Variants in SLMAP observed in about 807,000 individuals in gnomAD.
SLMAP encodes sarcolemma associated protein, also known as sarcolemmal membrane-associated protein.
SLMAP carries 44 observed loss-of-function variants against 128.8 expected under a neutral mutation model. The ratio of observed to expected loss-of-function variants is 0.34; its 90% CI spans 0.27 to 0.44. The LOEUF is 0.44. SLMAP is among the 20% of genes least tolerant of loss of function. The probability of loss-of-function intolerance (pLI) is 1.00; values close to 1 mark genes in which losing one functional copy is unlikely to be tolerated. For synonymous variants in SLMAP, 327 were observed against 348.8 expected (o/e 0.94, Z 0.70); for missense variants, 787 against 985.3 (o/e 0.80, Z 2.69).
chr3:57,857,778 C>G lies in SLMAP; in HGVS notation c.565C>G (p.Leu189Val), dbSNP rs1469309660. ...EQMLEQKLAT[L>V]QRLLAITQEA... Reference sequence around the variant, plus strand: ...AATGTTGGAACAGAAGTTAGCCACGCTTCAGCGGCTACTAGCCATCACCCA... The same window carrying G: ...AATGTTGGAACAGAAGTTAGCCACGGTTCAGCGGCTACTAGCCATCACCCA... Residue 189 changes from leucine to valine, a missense_variant, in exon 7 of 25, where the codon CTT becomes GTT. Around this residue, in one of 2 missense-constraint regions of SLMAP, gnomAD observed 715 missense variants for 843.6 expected, o/e 0.85. Transcript: ENST00000671191. 1 of 1,613,780 alleles carries G rather than the reference C, an allele frequency of 6.2e-7. No homozygotes were observed. Among genetic ancestry groups the G allele is most frequent in the African/African-American group, 1.3e-5 (1 of 74,926 alleles).
chr3:57,856,066 A>T (rs1405018097), intron 6 of SLMAP, among the ~76,000 whole-genome samples: 1 of 151,544 alleles, frequency 6.6e-6, no homozygotes, highest in Non-Finnish European at 1.5e-5. Flanking sequence ...AAAAAAAATT[A>T]ACTGGGCATG....
chr3:57,865,415 C>G (rs2095270738), intron 13 of SLMAP, 123 bp downstream of exon 13: 2 of 439,810 alleles, frequency 4.5e-6, no homozygotes, highest in Non-Finnish European at 8.0e-6. Flanking sequence ...GATCATTGAA[C>G]CCCATCATTT....
At chr3:57,869,829 T>A (rs1226042561) in intron 13 of SLMAP, among the ~76,000 whole-genome samples, 1 of 151,222 alleles carries the variant, frequency 6.6e-6, no homozygotes, top group Non-Finnish European at 1.5e-5. Flanking sequence ...GCTTAGGACA[T>A]CTCAATTAGA....
chr3:57,833,536 CAGCCTCTCGAGT>C (rs951210485), intron 3 of SLMAP, among the ~76,000 whole-genome samples: 47 of 151,968 alleles, frequency 3.1e-4, no homozygotes, highest in African/African-American at 1.1e-3. Context: ...TCTCCTGCCT[CAGCCTCTCGAGT>C]AGCTGGGACT....
At chr3:57,882,065 G>A (rs925406562) in intron 14 of SLMAP, among the ~76,000 whole-genome samples, 4 of 152,054 alleles carry the variant, frequency 2.6e-5, no homozygotes, top group Non-Finnish European at 5.9e-5. Context: ...TTATAAACCA[G>A]TACTGTTCAA....
chr3:57,908,188 T>TA (rs2096612574), intron 18 of SLMAP, among the ~76,000 whole-genome samples, 182 bp downstream of exon 18: 1 of 152,244 alleles, frequency 6.6e-6, no homozygotes, highest in Non-Finnish European at 1.5e-5. Context: ...TGAGGAGAGT[T>TA]ACAGTTGCTC....
Position 57,864,375 on chromosome 3 carries a change from C to CA in SLMAP, c.967-162dup, listed in dbSNP as rs879885658. Among the ~76,000 whole-genome samples, 583 of 136,876 alleles carry CA rather than the reference C, an allele frequency of 4.3e-3. 5 individuals carry two copies. The highest frequency in any genetic ancestry group is 0.014 in the African/African-American group (519 of 37,222). The allele number at this position is 136,876 out of a possible 152,430, so 89.8% of individuals were successfully genotyped here. On this transcript the variant is annotated intron_variant, in intron 10 of 24. Coordinates refer to ENST00000671191, the MANE Select transcript of SLMAP (RefSeq NM_001377540.1). ...AGGCAACAAGAGTGAAACTCCATCTCAAAAAAAAAAAGAAAGAAAGAAATG... is the reference window on the plus strand; with the variant it reads ...AGGCAACAAGAGTGAAACTCCATCTCAAAAAAAAAAAAGAAAGAAAGAAATG...
rs538252096 is a variant in SLMAP, at chr3:57,928,572, G to A, written c.*1283G>A. The A allele has an allele frequency of 2.6e-5, 4 of 152,294 alleles. No homozygotes were observed. The highest frequency in any genetic ancestry group is 9.6e-5 in the African/African-American group (4 of 41,560). The allele number at this position is 152,294 out of a possible 1,614,324, so 9.4% of individuals were successfully genotyped here. On this transcript the variant is annotated 3_prime_UTR_variant, in exon 25 of 25. Coordinates refer to ENST00000671191, the MANE Select transcript of SLMAP (RefSeq NM_001377540.1). ...TTATAAATTTAAAACACAAGTGAAAGTTTAGCCATGGTTTTGTGCGGCATC... is the reference window on the plus strand; with the variant it reads ...TTATAAATTTAAAACACAAGTGAAAATTTAGCCATGGTTTTGTGCGGCATC...
At chr3:57,895,414 C>T (rs1029485137) in intron 15 of SLMAP, among the ~76,000 whole-genome samples, 2 of 152,102 alleles carry the variant, frequency 1.3e-5, no homozygotes, top group African/African-American at 4.8e-5. Context: ...CGGCTCACTG[C>T]AACCTCCACC....
chr3:57,762,492 T>C (rs1240767992), intron 2 of SLMAP, among the ~76,000 whole-genome samples: 1 of 152,206 alleles, frequency 6.6e-6, no homozygotes, highest in Non-Finnish European at 1.5e-5. Flanking sequence ...TGACACTTTT[T>C]AATGCTAAGC....
chr3:57,904,114 G>A (rs1179237231), intron 17 of SLMAP, among the ~76,000 whole-genome samples: 1 of 149,110 alleles, frequency 6.7e-6, no homozygotes, highest in Non-Finnish European at 1.5e-5. Context: ...CTAACTATTC[G>A]ATTTGTTTGA....
intron 2 of SLMAP, 97 bp from the exon 3 acceptor site, chr3:57,831,286 C>A (rs1043586409): frequency 3.7e-6 from 3 of 803,902 alleles, no homozygotes; most frequent in Admixed American, 4.0e-5. Flanking sequence ...AATTCACTTG[C>A]AATAGTTGGC....
intron 6 of SLMAP, among the ~76,000 whole-genome samples, chr3:57,856,071 G>T (rs1444953231): frequency 6.6e-6 from 1 of 151,744 alleles, no homozygotes; most frequent in Non-Finnish European, 1.5e-5. Context: ...AAATTAACTG[G>T]GCATGGTGGT....
At chr3:57,795,495 C>T (rs868095914) in intron 2 of SLMAP, among the ~76,000 whole-genome samples, 2 of 152,062 alleles carry the variant, frequency 1.3e-5, no homozygotes, top group South Asian at 2.1e-4. Flanking sequence ...GCTGAGATCA[C>T]GCCACTGCAC....
chr3:57,923,018 A>G lies in SLMAP; in HGVS notation c.2440A>G (p.Asn814Asp), dbSNP rs1214562198. The G allele has an allele frequency of 1.9e-6, 3 of 1,613,584 alleles. No homozygotes were observed. The highest frequency in any genetic ancestry group is 2.2e-5 in the East Asian group (1 of 44,862). ...NNLKLLREKG[N>D]NPSILQPVPA... ...CCTGAAGCTGCTCCGAGAGAAAGGAAATAATGTAAGTCTTTGCAAACTTGG... is the reference window on the plus strand; with the variant it reads ...CCTGAAGCTGCTCCGAGAGAAAGGAGATAATGTAAGTCTTTGCAAACTTGG... The change falls in exon 23 of 25, where the codon AAT becomes GAT. Residue 814 changes from asparagine (N) to aspartate (D), a missense_variant. Asn to Asp is a conservative substitution (Grantham distance 23). Transcript: ENST00000671191.
At chr3:57,787,589 G>T (rs1015277837) in intron 2 of SLMAP, among the ~76,000 whole-genome samples, 2 of 152,162 alleles carry the variant, frequency 1.3e-5, no homozygotes, top group Non-Finnish European at 2.9e-5. Flanking sequence ...TGATTCTCCT[G>T]CCTGAACCTC....
intron 2 of SLMAP, among the ~76,000 whole-genome samples, chr3:57,760,154 G>A (rs1257142075): frequency 6.6e-6 from 1 of 152,098 alleles, no homozygotes; most frequent in Non-Finnish European, 1.5e-5. Flanking sequence ...TGGCCAGGGT[G>A]GTCTTGAACG....
intron 2 of SLMAP, among the ~76,000 whole-genome samples, chr3:57,786,731 A>ATTTTTTTT (rs35138483): frequency 1.1e-5 from 1 of 88,762 alleles, no homozygotes; most frequent in Non-Finnish European, 2.2e-5. Context: ...TAGTCTTTGT[A>ATTTTTTTT]TTTTTTTTTT....
At chr3:57,881,987 A>G (rs771319760) in intron 14 of SLMAP, among the ~76,000 whole-genome samples, 1 of 152,128 alleles carries the variant, frequency 6.6e-6, no homozygotes, top group Non-Finnish European at 1.5e-5. Flanking sequence ...AGCCTGGTCA[A>G]TGTAGCAAGA....
Sources: allele counts gnomAD v4.1 joint callset (sites outside exome capture counted in the v4.1 genomes callset), GRCh38; gene constraint gnomAD v4.1.1; regional missense constraint gnomAD v4.1.1; transcripts MANE v1.5; gene names NCBI Gene and HGNC (gene_info 2026-07-23, HGNC 2026-07-21).